PHLDB2: variants seen among roughly 807,000 people sequenced by gnomAD.
PHLDB2 encodes the protein pleckstrin homology like domain family B member 2.
PHLDB2 carries 71 observed loss-of-function variants against 123.6 expected under a neutral mutation model. The observed-to-expected ratio is 0.57, with a 90% CI of 0.47 to 0.70. PHLDB2 has a LOEUF of 0.70. Ranked by LOEUF, PHLDB2 falls within the 30% of genes least tolerant of loss-of-function variation. The pLI, the probability that PHLDB2 is intolerant of heterozygous loss-of-function variation, is 0.00. For synonymous variants in PHLDB2, 547 were observed against 541.6 expected, an observed-to-expected ratio of 1.01 and a Z score of -0.14; for missense variants, 1,446 against 1,519.5, an observed-to-expected ratio of 0.95 and a Z score of 0.80.
intron 1 of PHLDB2, among the ~76,000 whole-genome samples, chr3:111,827,437 A>T (rs1366304117): frequency 2.6e-5 from 4 of 152,156 alleles, no homozygotes; most frequent in African/African-American, 9.6e-5. Flanking sequence ...GCACTTTGGG[A>T]GGCCCAGGTG....
intron 1 of PHLDB2, among the ~76,000 whole-genome samples, chr3:111,763,480 A>G (rs2060028574): frequency 6.6e-6 from 1 of 152,266 alleles, no homozygotes; most frequent in Admixed American, 6.5e-5. Context: ...CTAGGAATAA[A>G]TTACTTAATA....
rs3749303 is a variant in PHLDB2 at position 111,974,976 on chromosome 3, A to T, written c.*413A>T. ...TATTGGTAATCAACTGGCTTTTTTT[A>T]AAAAAGGTAGCATTTTGTTGACAGT... On this transcript the variant is annotated 3_prime_UTR_variant, in exon 18 of 18. Transcript: ENST00000431670. The T allele has an allele frequency of 0.2, 30,376 of 152,648 alleles. 3,105 individuals carry two copies. The highest frequency in any genetic ancestry group is 0.28 in the Middle Eastern group (82 of 292). The allele number at this position is 152,648 out of a possible 1,614,324, so 9.5% of individuals were successfully genotyped here.
intron 3 of PHLDB2, 176 bp downstream of exon 3, chr3:111,913,878 A>G (rs1055708247): frequency 1.2e-6 from 1 of 804,572 alleles, no homozygotes; most frequent in Non-Finnish European, 1.9e-6. Context: ...ACTGTAAAGT[A>G]ACAAATTTGC....
chr3:111,758,711 C>G (rs1374729166), intron 1 of PHLDB2, among the ~76,000 whole-genome samples: 1 of 152,200 alleles, frequency 6.6e-6, no homozygotes, highest in Non-Finnish European at 1.5e-5. Context: ...ACGCTGGGAG[C>G]TGCAGACTGG....
chr3:111,885,536 G>T lies in PHLDB2; in HGVS notation c.1335+124G>T, dbSNP rs763756227. ...ATATTCATGTTCACTAGCCACAGCT[G>T]CTATCTTTCTCTTCTCTCCTGCTAT... On this transcript the variant is annotated intron_variant, in intron 2 of 17. Coordinates refer to ENST00000431670, the MANE Select transcript of PHLDB2 (RefSeq NM_001134438.2). 6.4e-6 allele frequency: 8 copies of T among 1,246,990 alleles called. No individual in the cohort carries two copies. In the Admixed American group the frequency reaches 7.2e-5, roughly 11 times the overall value. 77.2% of individuals were successfully genotyped at this position (1,246,990 alleles called of 1,614,324 possible).
intron 6 of PHLDB2, among the ~76,000 whole-genome samples, chr3:111,936,921 T>C (rs2069530008): frequency 6.6e-6 from 1 of 152,252 alleles, no homozygotes; most frequent in Non-Finnish European, 1.5e-5. Flanking sequence ...GATATTGTTT[T>C]AAGCCATAAC....
chr3:111,837,619 A>G (rs1034879544), intron 1 of PHLDB2, among the ~76,000 whole-genome samples: 2 of 152,022 alleles, frequency 1.3e-5, no homozygotes, highest in East Asian at 1.9e-4. Flanking sequence ...CATTTCCAAA[A>G]CTCCTTAGTT....
chr3:111,958,454 T>A (rs1299630489), intron 12 of PHLDB2, among the ~76,000 whole-genome samples: 1 of 152,200 alleles, frequency 6.6e-6, no homozygotes, highest in Admixed American at 6.5e-5. Context: ...ACTCTACACA[T>A]TGTGTAATCG....
intron 1 of PHLDB2, among the ~76,000 whole-genome samples, chr3:111,805,335 C>T (rs1390041982): frequency 2.0e-5 from 3 of 151,840 alleles, no homozygotes; most frequent in African/African-American, 7.3e-5. Flanking sequence ...CTGAGGCGGG[C>T]AGATCACGAG....
At chr3:111,961,593 A>T (rs2071415399) in intron 12 of PHLDB2, among the ~76,000 whole-genome samples, 1 of 152,204 alleles carries the variant, frequency 6.6e-6, no homozygotes, top group Non-Finnish European at 1.5e-5. Context: ...TCTTAACAAG[A>T]TTAAAAGTGT....
intron 5 of PHLDB2, among the ~76,000 whole-genome samples, chr3:111,924,093 G>C (rs1013172719): frequency 1.3e-5 from 2 of 152,050 alleles, no homozygotes; most frequent in East Asian, 1.9e-4. Context: ...CCCAACCCCA[G>C]TCCTTTGCAG....
intron 13 of PHLDB2, among the ~76,000 whole-genome samples, 184 bp downstream of exon 13, chr3:111,962,496 A>C (rs2071465384): frequency 6.6e-6 from 1 of 152,202 alleles, no homozygotes; most frequent in Admixed American, 6.5e-5. Flanking sequence ...TATCTTGTGT[A>C]ACTTAGCTAG....
chr3:111,851,683 G>A (rs1359423122), intron 2 of PHLDB2, among the ~76,000 whole-genome samples: 1 of 152,002 alleles, frequency 6.6e-6, no homozygotes, highest in African/African-American at 2.4e-5. Flanking sequence ...CTACATAGCC[G>A]CTGGCTCTTC....
intron 6 of PHLDB2, among the ~76,000 whole-genome samples, chr3:111,935,540 T>TAGATAGATAGATAGAA (rs1180164796): frequency 6.7e-6 from 1 of 148,698 alleles, no homozygotes; most frequent in East Asian, 1.9e-4. Context: ...GATAGATAGA[T>TAGATAGATAGATAGAA]AGAAGGGGAG....
At chr3:111,974,006 C>A (rs769004784) in intron 17 of PHLDB2, among the ~76,000 whole-genome samples, 189 bp downstream of exon 17, 4 of 152,038 alleles carry the variant, frequency 2.6e-5, no homozygotes, top group Non-Finnish European at 4.4e-5. Context: ...AATATCATAG[C>A]AAATTGAGGA....
intron 1 of PHLDB2, among the ~76,000 whole-genome samples, chr3:111,787,422 A>AT (rs1005759672): frequency 9.2e-5 from 14 of 152,062 alleles, no homozygotes; most frequent in African/African-American, 3.1e-4. Flanking sequence ...ATCTTTGGAT[A>AT]TTTTTTTGCA....
chr3:111,756,074 C>T (rs1331291251), intron 1 of PHLDB2, among the ~76,000 whole-genome samples: 1 of 152,012 alleles, frequency 6.6e-6, no homozygotes, highest in African/African-American at 2.4e-5. Flanking sequence ...TTACTTCCAA[C>T]TATGTGGTCA....
intron 1 of PHLDB2, among the ~76,000 whole-genome samples, chr3:111,776,445 T>C (rs1404578021): frequency 6.6e-6 from 1 of 152,172 alleles, no homozygotes; most frequent in Non-Finnish European, 1.5e-5. Context: ...AATCAAATAT[T>C]AATTTACTAA....
At chr3:111,802,399 C>A (rs2061411395) in intron 1 of PHLDB2, among the ~76,000 whole-genome samples, 1 of 152,228 alleles carries the variant, frequency 6.6e-6, no homozygotes, top group Non-Finnish European at 1.5e-5. Flanking sequence ...CTAGACACCA[C>A]CCACTAGCCT....
Sources: allele counts gnomAD v4.1 joint callset (sites outside exome capture counted in the v4.1 genomes callset), GRCh38; gene constraint gnomAD v4.1.1; transcripts MANE v1.5; gene names NCBI Gene and HGNC (gene_info 2026-07-23, HGNC 2026-07-21).